Variants in SLC8A1 observed in about 807,000 individuals in gnomAD.
The protein encoded by SLC8A1 is sodium/calcium exchanger 1.
Under a neutral mutation model 68.3 loss-of-function variants are expected in SLC8A1, and 18 were observed. That is an observed-to-expected ratio of 0.26 (90% CI 0.18 to 0.39). SLC8A1 has a LOEUF of 0.39. Among genes scored for constraint, SLC8A1 ranks in the 10% least tolerant of loss-of-function variants. The pLI, the probability that SLC8A1 is intolerant of heterozygous loss-of-function variation, is 1.00. For synonymous variants in SLC8A1, 475 were observed against 415.5 expected, an observed-to-expected ratio of 1.14 and a Z score of -1.74; for missense variants, 985 against 1,156.7, an observed-to-expected ratio of 0.85 and a Z score of 2.15.
intron 2 of SLC8A1, among the ~76,000 whole-genome samples, chr2:40,277,788 A>ATG (rs1302712241): frequency 2.1e-3 from 164 of 79,340 alleles, no homozygotes; most frequent in South Asian, 0.015. Context: ...ATATATATAT[A>ATG]TGTGTGTATA....
exon 8 of SLC8A1, chr2:40,112,552 T>C (rs973128696): frequency 6.6e-6 from 1 of 152,374 alleles, no homozygotes; most frequent in Non-Finnish European, 1.5e-5. Flanking sequence ...ACATTCCTAA[T>C]ACAGCTAAAA....
chr2:40,229,487 T>C (rs2059380673), intron 2 of SLC8A1, among the ~76,000 whole-genome samples: 1 of 152,152 alleles, frequency 6.6e-6, no homozygotes, highest in African/African-American at 2.4e-5. Context: ...CATTAAACTC[T>C]CTTCTGTGTT....
chr2:40,414,792 T>G (rs1449624406), intron 2 of SLC8A1, among the ~76,000 whole-genome samples: 1 of 152,154 alleles, frequency 6.6e-6, no homozygotes, highest in Non-Finnish European at 1.5e-5. Flanking sequence ...TGATTTGAAT[T>G]AAATTGGTTT....
intron 4 of SLC8A1, among the ~76,000 whole-genome samples, chr2:40,166,118 T>C (rs368283580): frequency 1.6e-4 from 24 of 152,320 alleles, no homozygotes; most frequent in African/African-American, 4.6e-4. Flanking sequence ...GCTTCCTGCC[T>C]GGTGCATTTA....
At chr2:40,172,948 AG>A (rs112889812) in intron 4 of SLC8A1, among the ~76,000 whole-genome samples, 6 of 152,188 alleles carry the variant, frequency 3.9e-5, no homozygotes, top group African/African-American at 1.4e-4. Context: ...CTCAAAAAAA[AG>A]TCCTGACACA....
intron 2 of SLC8A1, among the ~76,000 whole-genome samples, chr2:40,229,553 G>C (rs1412732670): frequency 6.6e-6 from 1 of 152,114 alleles, no homozygotes; most frequent in East Asian, 1.9e-4. Flanking sequence ...GATATTGTTT[G>C]CAAGACTCTC....
chr2:40,381,507 A>C (rs1286020469), intron 2 of SLC8A1, among the ~76,000 whole-genome samples: 7 of 151,698 alleles, frequency 4.6e-5, no homozygotes, highest in Non-Finnish European at 7.4e-5. Context: ...ACTTCGTCAA[A>C]ATTTTATTCA....
At chr2:40,384,244 A>G (rs1183835263) in intron 2 of SLC8A1, among the ~76,000 whole-genome samples, 1 of 152,102 alleles carries the variant, frequency 6.6e-6, no homozygotes, top group Non-Finnish European at 1.5e-5. Flanking sequence ...GAGACCGAGC[A>G]AGACCCTGTC....
At chr2:40,475,618 A>T (rs1176432686) in intron 1 of SLC8A1, among the ~76,000 whole-genome samples, 1 of 152,142 alleles carries the variant, frequency 6.6e-6, no homozygotes, top group African/African-American at 2.4e-5. Context: ...ACATGTACAT[A>T]TACATACATG....
chr2:40,469,109 T>C (rs1703861635), intron 1 of SLC8A1, among the ~76,000 whole-genome samples: 1 of 152,152 alleles, frequency 6.6e-6, no homozygotes, highest in South Asian at 2.1e-4. Flanking sequence ...ATTAACAGTG[T>C]GTGTGCAGTT....
intron 2 of SLC8A1, among the ~76,000 whole-genome samples, chr2:40,422,438 G>T (rs990653581): frequency 7.2e-5 from 11 of 152,106 alleles, no homozygotes; most frequent in Admixed American, 5.2e-4. Flanking sequence ...ATAACCCCTT[G>T]TATGTCTTAG....
intron 2 of SLC8A1, among the ~76,000 whole-genome samples, chr2:40,323,542 T>A (rs1342422808): frequency 6.6e-6 from 1 of 152,158 alleles, no homozygotes; most frequent in East Asian, 1.9e-4. Flanking sequence ...AAATTTCTAT[T>A]AACACTCATT....
chr2:40,170,387 T>C (rs976184870), intron 4 of SLC8A1, 38 bp from the exon 7 acceptor site: 14 of 1,540,516 alleles, frequency 9.1e-6, no homozygotes, highest in Non-Finnish European at 1.3e-5. Flanking sequence ...GCAGAATGGA[T>C]TGCATTGATT....
intron 1 of SLC8A1, among the ~76,000 whole-genome samples, chr2:40,475,785 A>C (rs915576435): frequency 1.3e-5 from 2 of 152,080 alleles, no homozygotes; most frequent in Non-Finnish European, 2.9e-5. Flanking sequence ...TCCATCTTAG[A>C]ATGACTGGCT....
At chr2:40,150,452 G>C (rs1199253548) in intron 6 of SLC8A1, among the ~76,000 whole-genome samples, 1 of 152,116 alleles carries the variant, frequency 6.6e-6, no homozygotes, top group Non-Finnish European at 1.5e-5. Flanking sequence ...GCATACAAAG[G>C]CTCCCGACTG....
At chr2:40,098,632 C>A (rs2033714008) in exon 8 of SLC8A1, 1 of 151,904 alleles carries the variant, frequency 6.6e-6, no homozygotes, top group East Asian at 1.9e-4. Context: ...TAATTTAGTG[C>A]AGTATAAGAA....
At position 40,155,882 on chromosome 2, in the gene SLC8A1, C is replaced by A. The variant is rs17561172; in HGVS notation, c.2161+4883G>T. ...AATGTAGTGAGTGTGGACAGGTCAG[C>A]AGCATGCACCAGCTGGGCCTCATGT... On this transcript the variant is annotated intron_variant, in intron 6 of 7. Transcript: ENST00000406785. Among the ~76,000 whole-genome samples, 989 of 152,234 alleles carry A rather than the reference C, an allele frequency of 6.5e-3. 3 individuals are homozygous for A. The highest frequency in any genetic ancestry group is 7.9e-3 in the Non-Finnish European group (535 of 68,022).
intron 6 of SLC8A1, among the ~76,000 whole-genome samples, chr2:40,148,055 T>A (rs1297140846): frequency 1.3e-5 from 2 of 152,322 alleles, no homozygotes; most frequent in East Asian, 3.9e-4. Context: ...TCTCTGTGGT[T>A]TGTACAGCAA....
At chr2:40,304,998 T>C (rs1255207971) in intron 2 of SLC8A1, among the ~76,000 whole-genome samples, 1 of 152,212 alleles carries the variant, frequency 6.6e-6, no homozygotes, top group Non-Finnish European at 1.5e-5. Flanking sequence ...ACTTAAGAAT[T>C]TTGTTAAAAT....
Sources: gnomAD v4.1 joint callset for allele counts (sites outside exome capture counted in the v4.1 genomes callset) on GRCh38, gnomAD v4.1.1 for gene constraint, MANE v1.5 for transcripts, NCBI Gene and HGNC (gene_info 2026-07-23, HGNC 2026-07-21) for gene names.